The following C1orf21 variants were observed in gnomAD, a reference collection of about 807,000 sequenced individuals.
The protein encoded by C1orf21 is uncharacterized protein C1orf21.
In C1orf21, 3 loss-of-function variants were observed where a neutral mutation model predicts 18.7. That is an observed-to-expected ratio of 0.16 (90% CI 0.07 to 0.42). C1orf21 has a LOEUF of 0.42. Ranked by LOEUF, C1orf21 falls within the 10% of genes least tolerant of loss-of-function variation. The probability of loss-of-function intolerance (pLI) is 0.99; values close to 1 mark genes in which losing one functional copy is unlikely to be tolerated. For synonymous variants in C1orf21, 41 were observed against 46.4 expected (o/e 0.88, Z 0.47); for missense variants, 104 against 143.6 (o/e 0.72, Z 1.41).
intron 5 of C1orf21, among the ~76,000 whole-genome samples, chr1:184,608,517 A>G (rs1478480194): frequency 6.6e-6 from 1 of 152,238 alleles, no homozygotes; most frequent in Non-Finnish European, 1.5e-5. Context: ...AGTCATGGCC[A>G]CAGATGCAGT....
intron 3 of C1orf21, among the ~76,000 whole-genome samples, chr1:184,581,164 C>T (rs1193599134): frequency 2.6e-5 from 4 of 152,122 alleles, no homozygotes; most frequent in Non-Finnish European, 4.4e-5. Flanking sequence ...AGGTGGCTCA[C>T]GCCTGTAATC....
intron 1 of C1orf21, among the ~76,000 whole-genome samples, chr1:184,448,060 G>A (rs905419881): frequency 6.6e-6 from 1 of 152,004 alleles, no homozygotes; most frequent in African/African-American, 2.4e-5. Context: ...TGACAACATG[G>A]GAAATACCAC....
At chr1:184,457,264 ATACT>A in intron 1 of C1orf21, among the ~76,000 whole-genome samples, 1 of 152,312 alleles carries the variant, frequency 6.6e-6, no homozygotes, top group Admixed American at 6.5e-5. Context: ...TATTCAACAA[ATACT>A]TACTGAGCAA....
chr1:184,564,739 C>G (rs190124666), intron 3 of C1orf21, among the ~76,000 whole-genome samples: 35 of 152,252 alleles, frequency 2.3e-4, no homozygotes, highest in Admixed American at 1.4e-3. Context: ...GTAGAATGAA[C>G]CAGAGGCTCA....
chr1:184,417,830 T>C (rs963886537), intron 1 of C1orf21, among the ~76,000 whole-genome samples: 2 of 152,230 alleles, frequency 1.3e-5, no homozygotes, highest in Admixed American at 1.3e-4. Context: ...GAGAAACCAC[T>C]GTGGGAGTTT....
At chr1:184,425,348 C>T (rs1264379104) in intron 1 of C1orf21, among the ~76,000 whole-genome samples, 2 of 151,812 alleles carry the variant, frequency 1.3e-5, no homozygotes, top group Admixed American at 6.6e-5. Flanking sequence ...GCCCTGCAGC[C>T]TCCACCTCCT....
intron 2 of C1orf21, among the ~76,000 whole-genome samples, chr1:184,486,078 A>G (rs917624715): frequency 6.6e-6 from 1 of 152,186 alleles, no homozygotes; most frequent in Admixed American, 6.5e-5. Flanking sequence ...CGAAGTGCAC[A>G]TGGGGCTCAT....
At chr1:184,461,090 G>A (rs993068552) in intron 1 of C1orf21, among the ~76,000 whole-genome samples, 1 of 152,108 alleles carries the variant, frequency 6.6e-6, no homozygotes. Context: ...CACCCCCTGA[G>A]TCTTGCTTAG....
At chr1:184,511,908 C>T (rs1222544123) in intron 3 of C1orf21, among the ~76,000 whole-genome samples, 1 of 152,106 alleles carries the variant, frequency 6.6e-6, no homozygotes, top group Non-Finnish European at 1.5e-5. Context: ...GGGGAACTGC[C>T]CCCATGATCT....
chr1:184,593,267 A>T (rs1285996338), intron 4 of C1orf21, among the ~76,000 whole-genome samples: 2 of 135,130 alleles, frequency 1.5e-5, no homozygotes, highest in African/African-American at 6.7e-5. Context: ...CCACAGCAGC[A>T]TGCTTGTGTG....
At chr1:184,409,205 T>A (rs1656294540) in intron 1 of C1orf21, among the ~76,000 whole-genome samples, 1 of 152,244 alleles carries the variant, frequency 6.6e-6, no homozygotes, top group African/African-American at 2.4e-5. Flanking sequence ...TAGTTTCTTC[T>A]GGTCTAGATG....
chr1:184,393,565 A>G (rs1392505844), intron 1 of C1orf21, among the ~76,000 whole-genome samples: 1 of 152,182 alleles, frequency 6.6e-6, no homozygotes, highest in African/African-American at 2.4e-5. Context: ...CTAGTATGTT[A>G]TATTGTTGAC....
At chr1:184,389,145 A>G (rs1374508183) in intron 1 of C1orf21, among the ~76,000 whole-genome samples, 2 of 150,826 alleles carry the variant, frequency 1.3e-5, no homozygotes, top group South Asian at 2.2e-4. Flanking sequence ...ATGTCACTCA[A>G]TGTTTACTGC....
chr1:184,584,597 C>T (rs1221373593), intron 3 of C1orf21, among the ~76,000 whole-genome samples: 1 of 152,186 alleles, frequency 6.6e-6, no homozygotes, highest in Non-Finnish European at 1.5e-5. Context: ...GAAAACGTGT[C>T]TACAAAAAGA....
chr1:184,531,926 T>G (rs1571401428), intron 3 of C1orf21, among the ~76,000 whole-genome samples: 1 of 152,232 alleles, frequency 6.6e-6, no homozygotes, highest in East Asian at 1.9e-4. Flanking sequence ...TAGAGGAGAA[T>G]TCTTAGAATT....
chr1:184,396,128 G>A (rs747921594), intron 1 of C1orf21, among the ~76,000 whole-genome samples: 1 of 152,178 alleles, frequency 6.6e-6, no homozygotes, highest in African/African-American at 2.4e-5. Flanking sequence ...AGCAATGGGA[G>A]ATGAGGCTGA....
At chr1:184,589,892 C>G (rs1418742137) in intron 3 of C1orf21, among the ~76,000 whole-genome samples, 2 of 152,102 alleles carry the variant, frequency 1.3e-5, no homozygotes, top group Non-Finnish European at 2.9e-5. Flanking sequence ...TTGCATCGGC[C>G]CATGGCAGTT....
At chr1:184,558,260 T>C (rs1658907173) in intron 3 of C1orf21, among the ~76,000 whole-genome samples, 1 of 152,214 alleles carries the variant, frequency 6.6e-6, no homozygotes, top group Non-Finnish European at 1.5e-5. Flanking sequence ...AATAAGCTTC[T>C]ACCATGTATG....
intron 3 of C1orf21, among the ~76,000 whole-genome samples, chr1:184,588,802 T>C (rs889971626): frequency 6.6e-6 from 1 of 152,218 alleles, no homozygotes; most frequent in Admixed American, 6.5e-5. Flanking sequence ...AAATACATAG[T>C]AGAAGAAAGT....
Sources: gnomAD v4.1 joint callset for allele counts (sites outside exome capture counted in the v4.1 genomes callset) on GRCh38, gnomAD v4.1.1 for gene constraint, MANE v1.5 for transcripts, NCBI Gene and HGNC (gene_info 2026-07-23, HGNC 2026-07-21) for gene names.